RBFOX1: variants seen among roughly 807,000 people sequenced by gnomAD.
The protein encoded by RBFOX1 is RNA binding protein fox-1 homolog 1.
In RBFOX1, 8 loss-of-function variants were observed where a neutral mutation model predicts 57.7. The ratio of observed to expected loss-of-function variants is 0.14; its 90% CI spans 0.08 to 0.25. The LOEUF (loss-of-function observed/expected upper bound fraction) is 0.25, where lower values mean the gene tolerates loss of function less well. RBFOX1 is among the 10% of genes least tolerant of loss of function. The probability of loss-of-function intolerance (pLI) is 1.00; values close to 1 mark genes in which losing one functional copy is unlikely to be tolerated. For missense variants in RBFOX1, 611 were observed against 548.5 expected (o/e 1.11, Z -1.14); for synonymous variants, 326 against 222.4 (o/e 1.47, Z -4.15).
At chr16:7,294,462 T>C (rs1306104128) in intron 4 of RBFOX1, among the ~76,000 whole-genome samples, 4 of 151,144 alleles carry the variant, frequency 2.6e-5, no homozygotes, top group Non-Finnish European at 5.9e-5. Flanking sequence ...GCTGCTCTGA[T>C]AGAACATTGT....
chr16:6,376,982 G>C (rs1205324945), intron 2 of RBFOX1, among the ~76,000 whole-genome samples: 3 of 151,704 alleles, frequency 2.0e-5, no homozygotes, highest in African/African-American at 7.3e-5. Flanking sequence ...TAAAGGTATT[G>C]GTCCCCAGAC....
intron 2 of RBFOX1, among the ~76,000 whole-genome samples, chr16:6,389,458 A>T (rs1467647174): frequency 2.0e-5 from 3 of 152,168 alleles, no homozygotes; most frequent in Admixed American, 6.5e-5. Flanking sequence ...GTTTATCATC[A>T]TGAAAGCAGG....
chr16:5,250,765 C>T (rs1182546551), intron 1 of RBFOX1, among the ~76,000 whole-genome samples: 1 of 152,186 alleles, frequency 6.6e-6, no homozygotes, highest in Non-Finnish European at 1.5e-5. Context: ...TTCGTTTAAC[C>T]AGCCCTGCAC....
intron 4 of RBFOX1, among the ~76,000 whole-genome samples, chr16:7,100,571 T>G (rs1352834662): frequency 6.6e-6 from 1 of 151,378 alleles, no homozygotes; most frequent in Non-Finnish European, 1.5e-5. Context: ...GGTTGTTTTT[T>G]TTTTTTTTTT....
At chr16:5,643,488 C>G (rs940786949) in intron 3 of RBFOX1, among the ~76,000 whole-genome samples, 3 of 152,174 alleles carry the variant, frequency 2.0e-5, no homozygotes, top group Admixed American at 6.6e-5. Flanking sequence ...TATGGAGATT[C>G]TGAGCATCTG....
chr16:7,504,746 TATATA>T (rs2072426317), intron 4 of RBFOX1, among the ~76,000 whole-genome samples: 1 of 13,918 alleles, frequency 7.2e-5, no homozygotes, highest in East Asian at 1.2e-3. Context: ...TATATATATA[TATATA>T]TATTTATATA....
chr16:7,199,824 G>C, intron 4 of RBFOX1, among the ~76,000 whole-genome samples: 1 of 152,158 alleles, frequency 6.6e-6, no homozygotes. Context: ...GAACCCAGGA[G>C]GTGGAGGTTG....
At position 7,159,932 on chromosome 16, in the gene RBFOX1, C is replaced by CT. The variant is rs370554821; in HGVS notation, c.27+107837dup. ...ACCAGATGATTGCATTTTATTATAC[C>CT]TTTGTTTTTCACTAAATATCAGAAT... On this transcript the variant is annotated intron_variant, in intron 4 of 15. Transcript: ENST00000550418. 2.0e-3 allele frequency among the ~76,000 whole-genome samples: 308 copies of CT among 152,184 alleles called. 1 individual carries two copies. The highest frequency in any genetic ancestry group is 7.3e-3 in the African/African-American group (302 of 41,528).
chr16:5,266,548 G>T (rs1334372115), intron 1 of RBFOX1, among the ~76,000 whole-genome samples: 4 of 128,006 alleles, frequency 3.1e-5, no homozygotes, highest in Admixed American at 8.2e-5. Context: ...GAAATGTTCA[G>T]TTTTTTTTTT....
At chr16:6,115,511 T>C (rs1204195940) in intron 1 of RBFOX1, among the ~76,000 whole-genome samples, 1 of 152,206 alleles carries the variant, frequency 6.6e-6, no homozygotes, top group Non-Finnish European at 1.5e-5. Flanking sequence ...GGGTGGGCTA[T>C]AGTGAGATCT....
intron 3 of RBFOX1, among the ~76,000 whole-genome samples, chr16:6,809,817 T>G (rs1005678996): frequency 6.6e-6 from 1 of 152,182 alleles, no homozygotes; most frequent in Non-Finnish European, 1.5e-5. Flanking sequence ...CTTATTCCAA[T>G]TCTCTGGAAG....
intron 2 of RBFOX1, among the ~76,000 whole-genome samples, chr16:6,431,707 T>A (rs1048863102): frequency 6.6e-6 from 1 of 151,986 alleles, no homozygotes; most frequent in African/African-American, 2.4e-5. Context: ...CATCACAGGA[T>A]TTTGAACTTC....
intron 12 of RBFOX1, among the ~76,000 whole-genome samples, chr16:7,658,361 T>A (rs919991946): frequency 6.6e-6 from 1 of 152,142 alleles, no homozygotes; most frequent in African/African-American, 2.4e-5. Flanking sequence ...AATATGTAGA[T>A]TGAAAATACA....
At chr16:5,710,780 C>T (rs749370835) in intron 3 of RBFOX1, among the ~76,000 whole-genome samples, 6 of 152,146 alleles carry the variant, frequency 3.9e-5, no homozygotes, top group African/African-American at 7.2e-5. Flanking sequence ...GGACCCCTGG[C>T]GTTTTCTGGG....
At chr16:5,259,758 A>T (rs1425981048) in intron 1 of RBFOX1, among the ~76,000 whole-genome samples, 1 of 152,222 alleles carries the variant, frequency 6.6e-6, no homozygotes, top group Non-Finnish European at 1.5e-5. Context: ...GAGCCGGGTT[A>T]TGGATCAGCA....
chr16:7,080,899 C>T (rs371909822), intron 4 of RBFOX1, among the ~76,000 whole-genome samples: 10 of 152,194 alleles, frequency 6.6e-5, no homozygotes, highest in African/African-American at 1.4e-4. Context: ...CCCTCCTTGA[C>T]GTTCGTTAGC....
chr16:6,854,555 C>T (rs1197191957), intron 3 of RBFOX1, among the ~76,000 whole-genome samples: 3 of 150,384 alleles, frequency 2.0e-5, no homozygotes, highest in African/African-American at 4.9e-5. Context: ...CTGAACCTCA[C>T]GCATTACCTC....
At chr16:7,155,993 A>G (rs1426761816) in intron 4 of RBFOX1, among the ~76,000 whole-genome samples, 1 of 151,582 alleles carries the variant, frequency 6.6e-6, no homozygotes, top group Admixed American at 6.6e-5. Flanking sequence ...GATATGTTTT[A>G]TATATATATC....
At chr16:6,443,025 G>A (rs2094417550) in intron 2 of RBFOX1, among the ~76,000 whole-genome samples, 2 of 152,166 alleles carry the variant, frequency 1.3e-5, no homozygotes, top group African/African-American at 2.4e-5. Context: ...CCAGGGTCTG[G>A]AAATTCAGCA....
Sources: allele counts gnomAD v4.1 joint callset (sites outside exome capture counted in the v4.1 genomes callset), GRCh38; gene constraint gnomAD v4.1.1; transcripts MANE v1.5; gene names NCBI Gene and HGNC (gene_info 2026-07-23, HGNC 2026-07-21).